Variants in HCK observed in about 807,000 individuals in gnomAD.
The protein encoded by HCK is HCK proto-oncogene, Src family tyrosine kinase, also known as tyrosine-protein kinase HCK.
Under a neutral mutation model 70.4 loss-of-function variants are expected in HCK, and 40 were observed. The observed-to-expected ratio is 0.57, with a 90% CI of 0.44 to 0.74. HCK has a LOEUF of 0.74. Among genes scored for constraint, HCK ranks in the 30% least tolerant of loss-of-function variants. The pLI is 0.00. For synonymous variants in HCK, 245 were observed against 263.2 expected, an observed-to-expected ratio of 0.93 and a Z score of 0.67; for missense variants, 568 against 697.2, an observed-to-expected ratio of 0.81 and a Z score of 2.09.
chr20:32,079,718 G>A, intron 5 of HCK, 56 bp from the exon 6 acceptor site: 1 of 1,215,002 alleles, frequency 8.2e-7, no homozygotes, highest in Non-Finnish European at 1.2e-6. Context: ...TCCTGTGTAG[G>A]CCGGACAGGA....
intron 1 of HCK, among the ~76,000 whole-genome samples, chr20:32,061,473 C>T (rs1271865535): frequency 2.6e-5 from 4 of 152,172 alleles, no homozygotes; most frequent in Admixed American, 6.5e-5. Context: ...TTTCTCCAGT[C>T]GTACTCCTGC....
chr20:32,071,691 A>G lies in HCK; in HGVS notation c.92A>G (p.Gln31Arg). 6.2e-6 allele frequency: 10 copies of G among 1,614,138 alleles called. No individual in the cohort carries two copies. Among genetic ancestry groups the G allele is most frequent in the Non-Finnish European group, 8.5e-6 (10 of 1,179,984 alleles). ...GGGTGCATGAAGTCCAAGTTCCTCC[A>G]GGTCGGAGGCAATACATTCTCAAAA... Residue 31 changes from glutamine to arginine, a missense_variant, in exon 2 of 13, where the codon CAG becomes CGG. By Grantham distance (43) the Gln-to-Arg change is conservative (BLOSUM62 1). Around this residue, in one of 4 missense-constraint regions of HCK, gnomAD observed 318 missense variants for 336.0 expected, o/e 0.95. Coordinates refer to ENST00000375852, the MANE Select transcript of HCK (RefSeq NM_002110.5).
rs1476064715 is a variant in HCK at position 32,052,274 on chromosome 20, C to CAGAGGCTT, written c.-144_-137dup. ...CCCTGGTCCCAGCTCGGGAGCACAT[C>CAGAGGCTT]AGAGGCTTAGAGGCGAGTGGGAAGG... On this transcript the variant is annotated 5_prime_UTR_variant, in exon 1 of 13. Transcript: ENST00000375852. 19 of 537,024 alleles carry CAGAGGCTT rather than the reference C, an allele frequency of 3.5e-5. No homozygotes were observed. Among genetic ancestry groups the CAGAGGCTT allele is most frequent in the Non-Finnish European group, 4.4e-5 (15 of 338,950 alleles). The allele number at this position is 537,024 out of a possible 1,614,324, so 33.3% of individuals were successfully genotyped here. A position where few individuals can be genotyped will look rare whatever the true frequency, so the allele number is the denominator to read the frequency against.
intron 1 of HCK, among the ~76,000 whole-genome samples, chr20:32,053,837 T>C (rs1420912602): frequency 6.6e-6 from 1 of 152,010 alleles, no homozygotes; most frequent in East Asian, 1.9e-4. Context: ...TCTGATTCAG[T>C]AGCTCTGTGC....
At chr20:32,083,752 C>T (rs1438215342) in intron 6 of HCK, 142 bp from the exon 7 acceptor site, 8 of 923,876 alleles carry the variant, frequency 8.7e-6, no homozygotes, top group Non-Finnish European at 1.4e-5. Flanking sequence ...GCCTGGCTCC[C>T]ACAGCCCACT....
chr20:32,079,213 G>T (rs1357224582), intron 5 of HCK, among the ~76,000 whole-genome samples: 1 of 152,204 alleles, frequency 6.6e-6, no homozygotes, highest in African/African-American at 2.4e-5. Context: ...ATCTCACATT[G>T]TAGCTTAGAA....
intron 11 of HCK, among the ~76,000 whole-genome samples, chr20:32,094,694 GA>G (rs1569009117): frequency 6.8e-5 from 6 of 87,848 alleles, no homozygotes; most frequent in African/African-American, 2.4e-4. Flanking sequence ...CAAAAGAAAA[GA>G]AAAGAAAAGA....
intron 10 of HCK, among the ~76,000 whole-genome samples, chr20:32,092,836 T>C (rs900965261): frequency 3.3e-5 from 5 of 152,148 alleles, no homozygotes; most frequent in Non-Finnish European, 7.3e-5. Flanking sequence ...GACACACTTA[T>C]TATTATCATC....
At chr20:32,082,696 A>G (rs560672848) in intron 6 of HCK, among the ~76,000 whole-genome samples, 20 of 152,030 alleles carry the variant, frequency 1.3e-4, no homozygotes, top group Non-Finnish European at 2.4e-4. Context: ...TTGTACTATT[A>G]TCATGGTAAA....
chr20:32,100,968 T>C (rs1569019629), intron 12 of HCK, among the ~76,000 whole-genome samples: 2 of 152,350 alleles, frequency 1.3e-5, no homozygotes, highest in East Asian at 1.9e-4. Flanking sequence ...GTCTCTATGA[T>C]GGTCTTCTCC....
At chr20:32,060,142 C>T (rs1418913449) in intron 1 of HCK, among the ~76,000 whole-genome samples, 9 of 152,118 alleles carry the variant, frequency 5.9e-5, no homozygotes, top group African/African-American at 2.2e-4. Flanking sequence ...AAGACTGCTC[C>T]TCTCCCAGCA....
intron 11 of HCK, among the ~76,000 whole-genome samples, chr20:32,094,792 A>G (rs1193218688): frequency 6.3e-3 from 59 of 9,410 alleles, no homozygotes; most frequent in South Asian, 7.7e-3. Flanking sequence ...AGAAAGAGAA[A>G]GAAAGAAAGA....
At chr20:32,072,972 C>T (rs550604392) in intron 2 of HCK, among the ~76,000 whole-genome samples, 28 of 152,208 alleles carry the variant, frequency 1.8e-4, no homozygotes, top group Non-Finnish European at 3.4e-4. Context: ...TGGTGGCATG[C>T]GCCTGTAATC....
intron 11 of HCK, among the ~76,000 whole-genome samples, chr20:32,094,761 G>GA (rs776580530): frequency 1.3e-4 from 15 of 117,258 alleles, no homozygotes; most frequent in African/African-American, 2.6e-4. Flanking sequence ...AAGAAAGAAA[G>GA]AAGGAAAGAA....
Position 32,101,349 on chromosome 20 carries a change from G to C in HCK, c.1411G>C (p.Glu471Gln). The C allele has an allele frequency of 1.2e-6, 2 of 1,614,196 alleles. No homozygotes were observed. Among genetic ancestry groups the C allele is most frequent in the Non-Finnish European group, 1.7e-6 (2 of 1,180,030 alleles). The change falls in exon 13 of 13, where the codon GAG becomes CAG. Residue 471 changes from glutamate (E) to glutamine (Q), a missense_variant. Transcript: ENST00000375852. The stretch of plus-strand genomic sequence containing the variant: ...AAACCCTGAAGTGATCCGAGCTCTG[G>C]AGCGTGGATACCGGATGCCTCGCCC...
intron 1 of HCK, among the ~76,000 whole-genome samples, chr20:32,055,107 A>G (rs1286263524): frequency 6.6e-6 from 1 of 152,194 alleles, no homozygotes; most frequent in East Asian, 1.9e-4. Context: ...CGGCCCATGT[A>G]CAGGTGGTTC....
rs368796550 is a variant in HCK at position 32,099,141 on chromosome 20, G to C, written c.1378+6G>C. 1.2e-6 allele frequency: 2 copies of C among 1,613,772 alleles called. No individual in the cohort carries two copies. The highest frequency in any genetic ancestry group is 1.7e-5 in the Admixed American group (1 of 60,010). The stretch of plus-strand genomic sequence containing the variant: ...CGGCCGGATCCCTTACCCAGGTAGG[G>C]AAGGGGCATCAGCTCAGGGCTGCTA... On this transcript the variant is annotated splice_donor_region_variant and intron_variant, in intron 12 of 12. Transcript: ENST00000375852.
rs1210420910 is a variant in HCK at position 32,071,202 on chromosome 20, T to G, written c.63-460T>G. 2.0e-5 allele frequency among the ~76,000 whole-genome samples: 3 copies of G among 152,160 alleles called. No homozygotes were observed. The East Asian group carries it at 5.8e-4, about 29-fold the overall frequency. On this transcript the variant is annotated intron_variant, in intron 1 of 12. Coordinates refer to ENST00000375852, the MANE Select transcript of HCK (RefSeq NM_002110.5). Reference sequence around the variant, plus strand: ...TATTTCCCCACTGTAGGTCATATTATTGTCCCCATTTTGCCGATGAAGACC... The same window carrying G: ...TATTTCCCCACTGTAGGTCATATTAGTGTCCCCATTTTGCCGATGAAGACC...
rs73247045 is a variant in HCK at position 32,072,067 on chromosome 20, A to G, written c.183+285A>G. On this transcript the variant is annotated intron_variant, in intron 2 of 12. Transcript: ENST00000375852. ...ATCTCAGGCCTCCGGCCTGGGCAGA[A>G]GCAAAAGCAGTGCTGAGAAACGAGT... 7.7e-3 allele frequency: 3,301 copies of G among 428,924 alleles called. 93 individuals are homozygous for G. Among genetic ancestry groups the G allele is most frequent in the African/African-American group, 0.06 (3,018 of 49,962 alleles). The allele number at this position is 428,924 out of a possible 1,614,324, so 26.6% of individuals were successfully genotyped here.
Sources: gnomAD v4.1 joint callset for allele counts (sites outside exome capture counted in the v4.1 genomes callset) on GRCh38, gnomAD v4.1.1 for gene constraint, gnomAD v4.1.1 regional missense constraint, MANE v1.5 for transcripts, NCBI Gene and HGNC (gene_info 2026-07-23, HGNC 2026-07-21) for gene names.